Variants in DPP6 observed in about 807,000 individuals in gnomAD.
DPP6 encodes A-type potassium channel modulatory protein DPP6.
Under a neutral mutation model 122.6 loss-of-function variants are expected in DPP6, and 69 were observed. The ratio of observed to expected loss-of-function variants is 0.56; its 90% CI spans 0.46 to 0.69. The LOEUF (loss-of-function observed/expected upper bound fraction) is 0.69. Ranked by LOEUF, DPP6 falls within the 30% of genes least tolerant of loss-of-function variation. The pLI, the probability that DPP6 is intolerant of heterozygous loss-of-function variation, is 0.00. For missense variants in DPP6, 928 were observed against 1,116.9 expected (o/e 0.83, Z 2.41); for synonymous variants, 418 against 433.1 (o/e 0.97, Z 0.43).
intron 3 of DPP6, among the ~76,000 whole-genome samples, chr7:154,494,420 T>TTA (rs1313401301): frequency 6.1e-5 from 9 of 148,564 alleles, no homozygotes; most frequent in East Asian, 3.9e-4. Flanking sequence ...TAACATATAT[T>TTA]TATATATATA....
chr7:154,333,023 T>C (rs1336022226), intron 1 of DPP6, among the ~76,000 whole-genome samples: 1 of 152,176 alleles, frequency 6.6e-6, no homozygotes, highest in Non-Finnish European at 1.5e-5. Flanking sequence ...AGGAAATGCC[T>C]GTGATGGAGG....
Position 154,616,764 on chromosome 7 carries a change from G to A in DPP6, c.628-21057G>A, listed in dbSNP as rs534580724. ...GTCTTTACATACCTAAGGAGGAGCC[G>A]TGAGCATTCGCCTCCAGGGAACCAC... is the stretch of plus-strand genomic sequence containing the variant. On this transcript the variant is annotated intron_variant, in intron 5 of 25. Transcript: ENST00000377770. Among the ~76,000 whole-genome samples, 27 of 152,270 alleles carry A rather than the reference G, an allele frequency of 1.8e-4. No homozygotes were observed. The East Asian group carries it at 2.1e-3, about 12-fold the overall frequency.
At chr7:153,948,306 T>G (rs1430916461) in intron 1 of DPP6, among the ~76,000 whole-genome samples, 3 of 152,208 alleles carry the variant, frequency 2.0e-5, no homozygotes, top group South Asian at 2.1e-4. Context: ...TGCTTTCCTG[T>G]TGTTTTATTT....
intron 10 of DPP6, among the ~76,000 whole-genome samples, chr7:154,779,309 C>A (rs879558573): frequency 1.8e-3 from 238 of 130,388 alleles, no homozygotes; most frequent in African/African-American, 5.6e-3. Context: ...CACCACCACC[C>A]CCACCATCGC....
intron 6 of DPP6, among the ~76,000 whole-genome samples, chr7:154,640,419 G>A (rs965299664): frequency 1.3e-5 from 2 of 151,932 alleles, no homozygotes; most frequent in Non-Finnish European, 2.9e-5. Context: ...CAACCTCTGG[G>A]GGTGCCAAAG....
At chr7:154,477,369 A>G (rs2151356013) in intron 3 of DPP6, among the ~76,000 whole-genome samples, 1 of 152,222 alleles carries the variant, frequency 6.6e-6, no homozygotes, top group East Asian at 1.9e-4. Context: ...GAGGCCAGAA[A>G]CAAGGGACAC....
At chr7:154,681,174 T>G (rs1003661119) in intron 7 of DPP6, among the ~76,000 whole-genome samples, 3 of 152,186 alleles carry the variant, frequency 2.0e-5, no homozygotes, top group African/African-American at 4.8e-5. Flanking sequence ...GATGCAGGGT[T>G]AAAACCGGGC....
Position 154,152,180 on chromosome 7 carries a change from G to A in DPP6, c.243+99117G>A, listed in dbSNP as rs370943668. ...GGTTGCTGGAGGTGCTGGCTACAGGGCAGTGACAGAGAAAGCAGTGGGGTA... is the reference window on the plus strand; with the variant it reads ...GGTTGCTGGAGGTGCTGGCTACAGGACAGTGACAGAGAAAGCAGTGGGGTA... On this transcript the variant is annotated intron_variant, in intron 1 of 25. Coordinates refer to ENST00000377770, the MANE Select transcript of DPP6 (RefSeq NM_130797.4). 4.2e-4 allele frequency among the ~76,000 whole-genome samples: 63 copies of A among 150,682 alleles called. No individual in the cohort carries two copies. The South Asian group carries it at 0.013, about 30-fold the overall frequency.
chr7:154,150,734 C>T (rs954355481), intron 1 of DPP6, among the ~76,000 whole-genome samples: 9 of 152,228 alleles, frequency 5.9e-5, no homozygotes, highest in African/African-American at 1.4e-4. Context: ...TGGCCCAGGC[C>T]GGGTCCTCCA....
chr7:154,612,769 G>T (rs1168049902), intron 5 of DPP6, among the ~76,000 whole-genome samples: 3 of 152,184 alleles, frequency 2.0e-5, no homozygotes, highest in African/African-American at 4.8e-5. Context: ...CCAGCAATAT[G>T]TGACTCAGTT....
At chr7:154,430,552 C>G (rs902599436) in intron 1 of DPP6, among the ~76,000 whole-genome samples, 1 of 152,160 alleles carries the variant, frequency 6.6e-6, no homozygotes, top group African/African-American at 2.4e-5. Context: ...CTCCTGAAGG[C>G]CCCCCTCCTA....
chr7:154,337,975 A>G (rs1461875189), intron 1 of DPP6, among the ~76,000 whole-genome samples: 1 of 151,770 alleles, frequency 6.6e-6, no homozygotes, highest in Non-Finnish European at 1.5e-5. Flanking sequence ...GGAGAAGGTG[A>G]CTCCAGCCCC....
intron 1 of DPP6, among the ~76,000 whole-genome samples, chr7:153,934,550 C>A (rs1403574004): frequency 1.3e-5 from 2 of 152,072 alleles, no homozygotes; most frequent in Non-Finnish European, 2.9e-5. Flanking sequence ...CTGCTCTTTC[C>A]CAACTTATTA....
intron 1 of DPP6, among the ~76,000 whole-genome samples, chr7:154,110,989 G>A (rs1806529091): frequency 6.6e-6 from 1 of 152,166 alleles, no homozygotes; most frequent in Non-Finnish European, 1.5e-5. Flanking sequence ...ACAAACCAAA[G>A]AGAAAGACCT....
At chr7:154,135,910 CT>C (rs1377841878) in intron 1 of DPP6, among the ~76,000 whole-genome samples, 2 of 151,574 alleles carry the variant, frequency 1.3e-5, no homozygotes, top group Non-Finnish European at 2.9e-5. Flanking sequence ...TGAGTATACA[CT>C]TCCTGTGAGC....
chr7:154,870,690 C>T lies in DPP6; in HGVS notation c.1814-1934C>T, dbSNP rs148832292. ...AAGAAATGTGTGTATTGGCCAGTCA[C>T]GGTGGCTCACGCCTGTAATCCCAGC... On this transcript the variant is annotated intron_variant, in intron 18 of 25. Coordinates refer to ENST00000377770, the MANE Select transcript of DPP6 (RefSeq NM_130797.4). 5.6e-3 allele frequency among the ~76,000 whole-genome samples: 845 copies of T among 151,556 alleles called. 7 individuals carry two copies. Among genetic ancestry groups the T allele is most frequent in the African/African-American group, 0.02 (807 of 41,284 alleles).
chr7:154,709,508 C>A (rs776343101), intron 7 of DPP6, among the ~76,000 whole-genome samples: 26 of 152,116 alleles, frequency 1.7e-4, no homozygotes, highest in Non-Finnish European at 3.2e-4. Context: ...GCAGGAGCCA[C>A]CATGCTCAGC....
chr7:154,181,761 T>C (rs1224627170), intron 1 of DPP6, among the ~76,000 whole-genome samples: 1 of 151,290 alleles, frequency 6.6e-6, no homozygotes, highest in Non-Finnish European at 1.5e-5. Flanking sequence ...TTTTTTTTTT[T>C]TTTTTTTGAG....
chr7:154,769,473 G>A lies in DPP6; in HGVS notation c.940G>A (p.Ala314Thr), dbSNP rs778166866. 71 of 1,613,308 alleles carry A rather than the reference G, an allele frequency of 4.4e-5. No individual in the cohort carries two copies. Among genetic ancestry groups the A allele is most frequent in the Non-Finnish European group, 5.5e-5 (65 of 1,179,758 alleles). ...HWWSPDGTRL[A>T]YAAINDSRVP... ...GTGGTCTCCGGATGGCACGAGACTC[G>A]CCTACGCCGCCATCAATGATTCCCG... Residue 314 changes from alanine (A) to threonine (T), a missense_variant, in exon 9 of 26, where the codon GCC (alanine) becomes ACC (threonine). By Grantham distance (58) the Ala-to-Thr change is moderately conservative (BLOSUM62 0). Transcript: ENST00000377770.
Sources: allele counts gnomAD v4.1 joint callset (sites outside exome capture counted in the v4.1 genomes callset), GRCh38; gene constraint gnomAD v4.1.1; transcripts MANE v1.5; gene names NCBI Gene and HGNC (gene_info 2026-07-23, HGNC 2026-07-21).